Variants in L3MBTL4 observed in about 807,000 individuals in gnomAD.
L3MBTL4 encodes L3MBTL histone methyl-lysine binding protein 4, also known as lethal(3)malignant brain tumor-like protein 4.
L3MBTL4 carries 70 observed loss-of-function variants against 84.5 expected under a neutral mutation model. The observed-to-expected ratio is 0.83, with a 90% CI of 0.68 to 1.01. The LOEUF is 1.01. Ranked by LOEUF, L3MBTL4 falls within the 50% of genes least tolerant of loss-of-function variation. The pLI is 0.00. For missense variants in L3MBTL4, 715 were observed against 754.8 expected (o/e 0.95, Z 0.62); for synonymous variants, 274 against 259.8 (o/e 1.05, Z -0.52).
At position 5,956,078 on chromosome 18, in the gene L3MBTL4, T is replaced by C. The variant is rs538497938; in HGVS notation, c.*142A>G. Reference sequence around the variant, plus strand: ...ACCAGTCATCAAAATCCTCTAAACATGTAAACAAATCACAGACACTTTAAA... The same window carrying C: ...ACCAGTCATCAAAATCCTCTAAACACGTAAACAAATCACAGACACTTTAAA... On this transcript the variant is annotated 3_prime_UTR_variant, in exon 19 of 19. Transcript: ENST00000317931. 1.3e-6 allele frequency: 1 copy of C among 751,746 alleles called. No homozygotes were observed. The highest frequency in any genetic ancestry group is 2.2e-6 in the Non-Finnish European group (1 of 453,552). 46.6% of individuals were successfully genotyped at this position (751,746 alleles called of 1,614,324 possible).
intron 5 of L3MBTL4, chr18:6,256,819 A>C (rs540147449): frequency 6.6e-6 from 1 of 152,330 alleles, no homozygotes; most frequent in South Asian, 2.1e-4. Context: ...TAAGACAGGA[A>C]CACCCGCCGT....
chr18:6,385,875 G>A (rs1255353841), intron 1 of L3MBTL4, among the ~76,000 whole-genome samples: 1 of 152,068 alleles, frequency 6.6e-6, no homozygotes, highest in Admixed American at 6.5e-5. Flanking sequence ...ATCTCCCTCA[G>A]TCAATCAAAA....
chr18:6,198,075 A>G (rs1272522510), intron 12 of L3MBTL4, among the ~76,000 whole-genome samples: 1 of 152,122 alleles, frequency 6.6e-6, no homozygotes, highest in Non-Finnish European at 1.5e-5. Context: ...TAATCTAAAT[A>G]TTGCTTTCAT....
At chr18:6,132,256 T>C (rs1429236523) in intron 14 of L3MBTL4, among the ~76,000 whole-genome samples, 1 of 152,248 alleles carries the variant, frequency 6.6e-6, no homozygotes, top group Non-Finnish European at 1.5e-5. Context: ...CTCCCCTTTA[T>C]AAAACGCAAG....
chr18:6,017,102 G>A lies in L3MBTL4; in HGVS notation c.1445-47540C>T, dbSNP rs34891108. ...ATGAGGTGAACACAACACCCTTCAC[G>A]GGATGCTGGTCCTGCCCATTACAGA... On this transcript the variant is annotated intron_variant, in intron 16 of 18. Transcript: ENST00000317931. 5.0e-3 allele frequency among the ~76,000 whole-genome samples: 755 copies of A among 152,286 alleles called. 6 individuals carry two copies. Among genetic ancestry groups the A allele is most frequent in the Non-Finnish European group, 8.1e-3 (551 of 68,028 alleles).
chr18:6,023,197 C>T (rs910406073), intron 16 of L3MBTL4, among the ~76,000 whole-genome samples: 3 of 152,180 alleles, frequency 2.0e-5, no homozygotes, highest in South Asian at 2.1e-4. Context: ...TGTGGCTAGA[C>T]ATACTGACTT....
chr18:5,969,144 G>A (rs142863698), intron 17 of L3MBTL4, among the ~76,000 whole-genome samples: 1 of 152,134 alleles, frequency 6.6e-6, no homozygotes, highest in African/African-American at 2.4e-5. Context: ...TGGGCCTCGG[G>A]GGGCACTGGA....
chr18:5,993,703 A>C (rs2053811406), intron 16 of L3MBTL4, among the ~76,000 whole-genome samples: 1 of 152,214 alleles, frequency 6.6e-6, no homozygotes, highest in Admixed American at 6.5e-5. Flanking sequence ...TAATCATTAT[A>C]CAATTATGTT....
At chr18:6,338,955 A>G (rs1282306420) in intron 1 of L3MBTL4, among the ~76,000 whole-genome samples, 1 of 152,202 alleles carries the variant, frequency 6.6e-6, no homozygotes. Context: ...TTATGAAAAA[A>G]TAAGAATTCT....
chr18:6,033,826 G>T (rs560285827), intron 16 of L3MBTL4, among the ~76,000 whole-genome samples: 1 of 152,094 alleles, frequency 6.6e-6, no homozygotes, highest in East Asian at 1.9e-4. Flanking sequence ...ACCCTTTTTG[G>T]TTGTTGATGT....
intron 16 of L3MBTL4, among the ~76,000 whole-genome samples, chr18:6,005,780 A>G (rs930802086): frequency 3.3e-5 from 5 of 152,110 alleles, no homozygotes; most frequent in Admixed American, 1.3e-4. Flanking sequence ...GTTATTGTGA[A>G]TAGTGCTGTG....
intron 16 of L3MBTL4, among the ~76,000 whole-genome samples, chr18:5,990,945 CT>C (rs527819870): frequency 6.6e-6 from 1 of 152,154 alleles, no homozygotes; most frequent in Non-Finnish European, 1.5e-5. Context: ...TTCTTCCTCT[CT>C]GATTCACTCA....
chr18:6,234,708 C>T (rs950899817), intron 10 of L3MBTL4, among the ~76,000 whole-genome samples: 1 of 152,154 alleles, frequency 6.6e-6, no homozygotes, highest in Non-Finnish European at 1.5e-5. Context: ...AACACTTTTA[C>T]ACTGTTGGTG....
intron 16 of L3MBTL4, among the ~76,000 whole-genome samples, chr18:5,981,910 T>C (rs1170786607): frequency 6.6e-6 from 1 of 151,346 alleles, no homozygotes; most frequent in Non-Finnish European, 1.5e-5. Flanking sequence ...CGATGCAACA[T>C]GCACAGACAC....
At chr18:6,234,866 A>G (rs571769745) in intron 10 of L3MBTL4, among the ~76,000 whole-genome samples, 7 of 152,318 alleles carry the variant, frequency 4.6e-5, no homozygotes, top group Non-Finnish European at 8.8e-5. Flanking sequence ...ACACATGCAC[A>G]TGTATGTTTA....
rs1220789266 is a variant in L3MBTL4, at chr18:5,969,484, T to TC, written c.1522dup (p.Asp508GlyfsTer18). 1 of 1,613,948 alleles carries TC rather than the reference T, an allele frequency of 6.2e-7. No homozygotes were observed. The highest frequency in any genetic ancestry group is 8.5e-7 in the Non-Finnish European group (1 of 1,179,990). ...GTGTTGCTCCCTGCCGAGGGGAAGG[T>TC]CCCGAAAAGGGTGGGCTGACACCGT... On this transcript the variant is annotated frameshift_variant, in exon 17 of 19. Coordinates refer to ENST00000317931, the MANE Select transcript of L3MBTL4 (RefSeq NM_001330559.2). LOFTEE classifies it high-confidence loss of function.
At chr18:6,032,479 G>T (rs901843705) in intron 16 of L3MBTL4, among the ~76,000 whole-genome samples, 10 of 151,678 alleles carry the variant, frequency 6.6e-5, no homozygotes, top group Non-Finnish European at 1.3e-4. Flanking sequence ...GATTGTGGGG[G>T]CTGGTAATCA....
intron 16 of L3MBTL4, among the ~76,000 whole-genome samples, chr18:5,992,193 C>A (rs567693677): frequency 3.9e-5 from 6 of 152,254 alleles, no homozygotes; most frequent in African/African-American, 1.4e-4. Flanking sequence ...TTCAGGCTGA[C>A]AATAGGGCAT....
chr18:6,395,544 T>A (rs1464873339), intron 1 of L3MBTL4: 1 of 152,186 alleles, frequency 6.6e-6, no homozygotes, highest in Non-Finnish European at 1.5e-5. Flanking sequence ...TGTGCCTAAA[T>A]ACCCAACTTA....
Sources: allele counts gnomAD v4.1 joint callset (sites outside exome capture counted in the v4.1 genomes callset), GRCh38; gene constraint gnomAD v4.1.1; transcripts MANE v1.5; gene names NCBI Gene and HGNC (gene_info 2026-07-23, HGNC 2026-07-21).